The following TIAM2 variants were observed in gnomAD, a reference collection of about 807,000 sequenced individuals.
TIAM2 encodes the protein rho guanine nucleotide exchange factor TIAM2.
Under a neutral mutation model 152.9 loss-of-function variants are expected in TIAM2, and 80 were observed. The ratio of observed to expected loss-of-function variants is 0.52; its 90% CI spans 0.44 to 0.63. The LOEUF (loss-of-function observed/expected upper bound fraction) is 0.63. Among genes scored for constraint, TIAM2 ranks in the 30% least tolerant of loss-of-function variants. The probability of loss-of-function intolerance (pLI) is 0.00; values close to 1 mark genes in which losing one functional copy is unlikely to be tolerated. For synonymous variants in TIAM2, 804 were observed against 838.0 expected (o/e 0.96, Z 0.70); for missense variants, 1,965 against 2,120.1 (o/e 0.93, Z 1.44).
chr6:155,079,835 C>T (rs957261568), intron 1 of TIAM2, among the ~76,000 whole-genome samples: 2 of 152,192 alleles, frequency 1.3e-5, no homozygotes, highest in African/African-American at 2.4e-5. Flanking sequence ...GTAATCCCAG[C>T]TTCTCAGAAG....
chr6:155,074,331 G>A (rs1777905596), intron 1 of TIAM2, among the ~76,000 whole-genome samples: 2 of 152,018 alleles, frequency 1.3e-5, no homozygotes, highest in Non-Finnish European at 2.9e-5. Context: ...TTAATTTAAA[G>A]TAATGATAAG....
chr6:155,123,473 C>T (rs1779220739), intron 2 of TIAM2, among the ~76,000 whole-genome samples: 1 of 152,188 alleles, frequency 6.6e-6, no homozygotes, highest in Non-Finnish European at 1.5e-5. Context: ...CCTCCAGGTG[C>T]TAGGCCTTGA....
chr6:155,122,007 A>G (rs1224293485), intron 2 of TIAM2: 4 of 152,306 alleles, frequency 2.6e-5, no homozygotes, highest in African/African-American at 9.7e-5. Flanking sequence ...TCTTTGCTGT[A>G]AATGCCACAC....
intron 1 of TIAM2, among the ~76,000 whole-genome samples, chr6:155,065,725 C>T (rs545029828): frequency 6.6e-5 from 10 of 152,206 alleles, no homozygotes; most frequent in Admixed American, 2.6e-4. Context: ...GCCCAGAGTG[C>T]GCCACTGCAC....
At chr6:155,240,873 G>A (rs1782999039) in intron 16 of TIAM2, among the ~76,000 whole-genome samples, 164 bp downstream of exon 16, 1 of 152,250 alleles carries the variant, frequency 6.6e-6, no homozygotes, top group African/African-American at 2.4e-5. Context: ...GAGGGGAAGA[G>A]TGAGAGGGTG....
At chr6:155,240,475 G>A (rs560045051) in intron 15 of TIAM2, 55 bp from the exon 16 acceptor site, 87 of 1,533,522 alleles carry the variant, frequency 5.7e-5, no homozygotes, top group Admixed American at 2.3e-4. Context: ...TGGGGGCAGC[G>A]GATACTATCA....
At chr6:155,086,657 A>G (rs1778176389) in intron 1 of TIAM2, among the ~76,000 whole-genome samples, 1 of 150,482 alleles carries the variant, frequency 6.6e-6, no homozygotes, top group African/African-American at 2.4e-5. Flanking sequence ...CAGTGAGCTG[A>G]GATCGCGCCA....
chr6:155,118,493 C>T (rs911681282), intron 2 of TIAM2, among the ~76,000 whole-genome samples: 7 of 141,460 alleles, frequency 4.9e-5, no homozygotes, highest in Non-Finnish European at 7.5e-5. Context: ...AGTGCAGTGG[C>T]GTGATCTTGA....
At chr6:155,125,239 C>G (rs1317483187) in intron 2 of TIAM2, among the ~76,000 whole-genome samples, 1 of 151,954 alleles carries the variant, frequency 6.6e-6, no homozygotes, top group African/African-American at 2.4e-5. Flanking sequence ...CCGCTGCACT[C>G]CAGCCTGGGT....
At chr6:155,102,966 G>A (rs1429221688) in intron 2 of TIAM2, among the ~76,000 whole-genome samples, 2 of 152,004 alleles carry the variant, frequency 1.3e-5, no homozygotes, top group Non-Finnish European at 2.9e-5. Context: ...ATTTTACATT[G>A]TATCCTTCAA....
At chr6:155,065,833 T>A (rs993763149) in intron 1 of TIAM2, among the ~76,000 whole-genome samples, 2 of 152,180 alleles carry the variant, frequency 1.3e-5, no homozygotes, top group Middle Eastern at 3.2e-3. Flanking sequence ...AAACTGCTCC[T>A]TTTCAGCATG....
chr6:155,182,547 C>T (rs567965003), intron 13 of TIAM2, among the ~76,000 whole-genome samples: 1 of 152,148 alleles, frequency 6.6e-6, no homozygotes, highest in African/African-American at 2.4e-5. Context: ...ATTGCTTGAG[C>T]CCAGGAGCCC....
At position 154,995,920 on chromosome 6, in the gene TIAM2, C is replaced by T. The variant is rs1330587257; in HGVS notation, c.-209+428C>T. 6.6e-6 allele frequency among the ~76,000 whole-genome samples: 1 copy of T among 152,098 alleles called. No homozygotes were observed. The highest frequency in any genetic ancestry group is 1.5e-5 in the Non-Finnish European group (1 of 68,008). ...CGGAGGGGAGCGCCCGCTGCGCCCA[C>T]GCCCGCCCGGCGACCTCGGAGCCTC... On this transcript the variant is annotated intron_variant, in intron 1 of 26. Coordinates refer to ENST00000682666, the MANE Select transcript of TIAM2 (RefSeq NM_012454.4). The surrounding 1 kb of genome is among the most constrained non-coding windows in gnomAD (Gnocchi z 5.2).
intron 1 of TIAM2, among the ~76,000 whole-genome samples, chr6:154,999,057 T>C (rs1029842436): frequency 1.3e-5 from 2 of 152,186 alleles, no homozygotes; most frequent in Admixed American, 1.3e-4. Flanking sequence ...AAGTAATTGA[T>C]AAGAAATGAT....
chr6:155,165,159 G>A (rs915689139), intron 8 of TIAM2, 104 bp from the exon 9 acceptor site: 4 of 1,257,630 alleles, frequency 3.2e-6, no homozygotes, highest in South Asian at 1.6e-5. Context: ...AGCTTTTGGC[G>A]ATAGTCAGAA....
chr6:155,003,289 A>G (rs1379346087), intron 1 of TIAM2, among the ~76,000 whole-genome samples: 2 of 152,128 alleles, frequency 1.3e-5, no homozygotes, highest in Non-Finnish European at 2.9e-5. Context: ...CTGTTGTGGA[A>G]TATACCTTTT....
intron 1 of TIAM2, among the ~76,000 whole-genome samples, chr6:155,085,974 T>C (rs1340786724): frequency 6.6e-6 from 1 of 152,242 alleles, no homozygotes; most frequent in Non-Finnish European, 1.5e-5. Flanking sequence ...CCCTGTTTGA[T>C]CTTTCTGTGG....
intron 15 of TIAM2, among the ~76,000 whole-genome samples, chr6:155,235,150 T>A (rs755844648): frequency 3.3e-5 from 5 of 152,188 alleles, no homozygotes; most frequent in Non-Finnish European, 7.4e-5. Context: ...TGGAGAGTCA[T>A]GGTAAAGCTG....
intron 1 of TIAM2, among the ~76,000 whole-genome samples, chr6:155,028,027 CTA>C (rs371038432): frequency 4.9e-5 from 4 of 81,708 alleles, no homozygotes; most frequent in South Asian, 3.7e-4. Flanking sequence ...GTGTTATATA[CTA>C]TATATAATAT....
Sources: gnomAD v4.1 joint callset for allele counts (sites outside exome capture counted in the v4.1 genomes callset) on GRCh38, gnomAD v4.1.1 for gene constraint, Gnocchi (gnomAD v3.1) non-coding constraint, MANE v1.5 for transcripts, NCBI Gene and HGNC (gene_info 2026-07-23, HGNC 2026-07-21) for gene names.